SLC35D1: variants seen among roughly 807,000 people sequenced by gnomAD.
The protein encoded by SLC35D1 is nucleotide sugar transporter SLC35D1.
SLC35D1 carries 31 observed loss-of-function variants against 46.7 expected under a neutral mutation model. That is an observed-to-expected ratio of 0.66 (90% CI 0.50 to 0.90). SLC35D1 has a LOEUF of 0.90. Among genes scored for constraint, SLC35D1 ranks in the 40% least tolerant of loss-of-function variants. The pLI, the probability that SLC35D1 is intolerant of heterozygous loss-of-function variation, is 0.00. For synonymous variants in SLC35D1, 195 were observed against 164.6 expected, an observed-to-expected ratio of 1.18 and a Z score of -1.41; for missense variants, 397 against 426.2, an observed-to-expected ratio of 0.93 and a Z score of 0.60.
chr1:67,052,115 AT>A, intron 3 of SLC35D1, 36 bp from the exon 4 acceptor site: 1 of 1,373,196 alleles, frequency 7.3e-7, no homozygotes, highest in Non-Finnish European at 1.0e-6. Flanking sequence ...AAACTCAATA[AT>A]AAAGATAGCT....
intron 11 of SLC35D1, among the ~76,000 whole-genome samples, chr1:67,006,565 T>C (rs1019927885): frequency 1.3e-5 from 2 of 152,198 alleles, no homozygotes; most frequent in African/African-American, 4.8e-5. Context: ...TTAATCCTAT[T>C]TAAACTGGAT....
the SLC35D1 span, among the ~76,000 whole-genome samples, chr1:66,982,865 G>T: frequency 6.6e-6 from 1 of 152,170 alleles, no homozygotes; most frequent in African/African-American, 2.4e-5. Context: ...GGTCCAAGAA[G>T]GTTTATTGAC....
At chr1:67,051,031 G>A (rs1029012807) in intron 4 of SLC35D1, among the ~76,000 whole-genome samples, 1 of 152,092 alleles carries the variant, frequency 6.6e-6, no homozygotes, top group South Asian at 2.1e-4. Context: ...TACTTAGCTG[G>A]CAATCAAAGA....
At chr1:66,974,584 A>G in the SLC35D1 span, among the ~76,000 whole-genome samples, 3 of 152,142 alleles carry the variant, frequency 2.0e-5, no homozygotes, top group African/African-American at 7.2e-5. Flanking sequence ...ATTTTTTTAA[A>G]GGAGTTAAGA....
At chr1:66,979,688 T>TC in the SLC35D1 span, among the ~76,000 whole-genome samples, 2 of 152,108 alleles carry the variant, frequency 1.3e-5, no homozygotes, top group African/African-American at 4.8e-5. Context: ...ATAATTACTA[T>TC]CCTTTCACAG....
At chr1:67,050,942 T>G (rs1645302526) in intron 4 of SLC35D1, among the ~76,000 whole-genome samples, 1 of 152,240 alleles carries the variant, frequency 6.6e-6, no homozygotes, top group Admixed American at 6.5e-5. Flanking sequence ...CAGAGCATTT[T>G]GCTTGTACTA....
downstream of SLC35D1, among the ~76,000 whole-genome samples, chr1:66,997,748 AAT>A (rs941524594): frequency 1.7e-4 from 25 of 146,710 alleles, no homozygotes; most frequent in Non-Finnish European, 2.4e-4. Flanking sequence ...AAAGCTGTTA[AAT>A]ATATATATAT....
chr1:67,024,271 C>T (rs1667872764), intron 8 of SLC35D1, among the ~76,000 whole-genome samples: 1 of 152,084 alleles, frequency 6.6e-6, no homozygotes. Context: ...TTAATAGTGT[C>T]TTTTGAAGAG....
intron 8 of SLC35D1, among the ~76,000 whole-genome samples, chr1:67,023,948 C>CTTT (rs753663605): frequency 7.2e-6 from 1 of 138,556 alleles, no homozygotes; most frequent in African/African-American, 2.6e-5. Flanking sequence ...CTTCCATTTT[C>CTTT]TTTTTTTTTT....
At chr1:67,045,138 A>G (rs1173791222) in intron 7 of SLC35D1, among the ~76,000 whole-genome samples, 1 of 152,218 alleles carries the variant, frequency 6.6e-6, no homozygotes, top group Non-Finnish European at 1.5e-5. Context: ...ACACATACAC[A>G]CAAATACACA....
the SLC35D1 span, chr1:66,982,004 T>C: frequency 5.8e-5 from 83 of 1,427,800 alleles, no homozygotes; most frequent in African/African-American, 5.5e-4. Flanking sequence ...TGGGTTTCTA[T>C]TAAACTTCCA....
intron 7 of SLC35D1, among the ~76,000 whole-genome samples, chr1:67,043,983 C>T (rs74516308): frequency 0.046 from 7,017 of 152,228 alleles, 173 homozygotes; most frequent in Admixed American, 0.071. Context: ...TGAGAAAAGT[C>T]GAACTGCCTT....
the SLC35D1 span, among the ~76,000 whole-genome samples, chr1:66,977,425 G>C: frequency 6.6e-6 from 1 of 151,668 alleles, no homozygotes; most frequent in African/African-American, 2.4e-5. Context: ...TTTTTTTATA[G>C]AGGAAAAAAA....
Position 67,054,120 on chromosome 1 carries a change from T to C in SLC35D1, c.-107A>G. 8.8e-7 allele frequency: 1 copy of C among 1,138,160 alleles called. No individual in the cohort carries two copies. Among genetic ancestry groups the C allele is most frequent in the Non-Finnish European group, 1.2e-6 (1 of 817,114 alleles). 70.5% of individuals were successfully genotyped at this position (1,138,160 alleles called of 1,614,324 possible). A position where few individuals can be genotyped will look rare whatever the true frequency, so the allele number is the denominator to read the frequency against. Reference sequence around the variant, plus strand: ...GTTGGGGACCGCAGACTAGGCCAGCTGCGCGCTCGCCGCCTCGACTCCCCG... The same window carrying C: ...GTTGGGGACCGCAGACTAGGCCAGCCGCGCGCTCGCCGCCTCGACTCCCCG... On this transcript the variant is annotated 5_prime_UTR_variant, in exon 1 of 12. Coordinates refer to ENST00000235345, the MANE Select transcript of SLC35D1 (RefSeq NM_015139.3).
chr1:67,021,472 T>C (rs1284469862), intron 9 of SLC35D1, 63 bp downstream of exon 9: 3 of 1,531,714 alleles, frequency 2.0e-6, no homozygotes, highest in Non-Finnish European at 2.7e-6. Flanking sequence ...AAAAGAGGCA[T>C]GCAAATTTCT....
chr1:67,044,314 CAG>C (rs1361038425), intron 7 of SLC35D1, among the ~76,000 whole-genome samples: 2 of 133,766 alleles, frequency 1.5e-5, no homozygotes, highest in Non-Finnish European at 3.1e-5. Flanking sequence ...GGCTGGGCGA[CAG>C]AGTGAGACTC....
intron 11 of SLC35D1, among the ~76,000 whole-genome samples, chr1:67,007,122 T>A (rs2102232515): frequency 6.6e-6 from 1 of 152,318 alleles, no homozygotes; most frequent in East Asian, 1.9e-4. Context: ...AGAGGGGAGA[T>A]GTACTGCTGA....
At chr1:67,052,718 T>C (rs1645322636) in intron 3 of SLC35D1, 53 bp downstream of exon 3, 3 of 1,580,900 alleles carry the variant, frequency 1.9e-6, no homozygotes, top group Admixed American at 1.7e-5. Context: ...TAAAATATGT[T>C]AATACATACT....
At position 67,014,670 on chromosome 1, in the gene SLC35D1, GTTTTTTTTTTTTTTT is replaced by G. The variant is rs34459732; in HGVS notation, c.877-5518_877-5504del. On this transcript the variant is annotated intron_variant, in intron 10 of 11. Coordinates refer to ENST00000235345, the MANE Select transcript of SLC35D1 (RefSeq NM_015139.3). ...AAAATTAAAATGTCTTCAATTTTTA[GTTTTTTTTTTTTTTT>G]TTTTTTGGCCTGGTTGGATTGATCA... 2.0e-5 allele frequency among the ~76,000 whole-genome samples: 2 copies of G among 99,988 alleles called. 1 individual carries two copies. Among genetic ancestry groups the G allele is most frequent in the Admixed American group, 2.7e-4 (2 of 7,516 alleles). The allele number at this position is 99,988 out of a possible 152,430, so 65.6% of individuals were successfully genotyped here.
Sources: gnomAD v4.1 joint callset for allele counts (sites outside exome capture counted in the v4.1 genomes callset) on GRCh38, gnomAD v4.1.1 for gene constraint, MANE v1.5 for transcripts, NCBI Gene and HGNC (gene_info 2026-07-23, HGNC 2026-07-21) for gene names.